Variants in PLCZ1 observed in about 807,000 individuals in gnomAD.
The protein encoded by PLCZ1 is 1-phosphatidylinositol 4,5-bisphosphate phosphodiesterase zeta-1.
In PLCZ1, 64 loss-of-function variants were observed where a neutral mutation model predicts 76.8. That is an observed-to-expected ratio of 0.83 (90% CI 0.68 to 1.03). The LOEUF is 1.03. Ranked by LOEUF, PLCZ1 falls within the 50% of genes least tolerant of loss-of-function variation. The pLI is 0.00. For missense variants in PLCZ1, 751 were observed against 713.7 expected, an observed-to-expected ratio of 1.05 and a Z score of -0.60; for synonymous variants, 248 against 230.8, an observed-to-expected ratio of 1.07 and a Z score of -0.68.
At chr12:18,655,808 C>T in the PLCZ1 span, among the ~76,000 whole-genome samples, 1,572 of 92,910 alleles carry the variant, frequency 0.017, 8 homozygotes, top group Non-Finnish European at 0.026. Context: ...CTACCAAATA[C>T]TTGACTAGTA....
At chr12:18,658,116 T>G in the PLCZ1 span, among the ~76,000 whole-genome samples, 553 of 152,116 alleles carry the variant, frequency 3.6e-3, 5 homozygotes, top group African/African-American at 0.013. Flanking sequence ...ATTAGCAAAC[T>G]TGAAAGTAAG....
intron 5 of PLCZ1, among the ~76,000 whole-genome samples, chr12:18,714,318 C>T (rs1957694795): frequency 6.6e-6 from 1 of 152,152 alleles, no homozygotes; most frequent in Non-Finnish European, 1.5e-5. Flanking sequence ...CAGACAGGGT[C>T]AGCAACACTA....
rs773369178 is a variant in PLCZ1, at chr12:18,719,463, T to C, written c.537A>G (p.Leu179=). ...ATCCCCAAAGGTCACTTGGTCCCAA[T>C]AATTGATCAGATACCAAATATGTGT... ...SHNTYLVSDQ[L]LGPSDLWGYV... is the part of the protein sequence containing the mutation. The change falls in exon 5 of 15, where the codon TTA becomes TTG. Residue 179 remains leucine, a synonymous_variant. Transcript: ENST00000266505. 3 of 1,558,100 alleles carry C rather than the reference T, an allele frequency of 1.9e-6. No individual in the cohort carries two copies.
At chr12:18,658,299 C>G in the PLCZ1 span, among the ~76,000 whole-genome samples, 1 of 151,970 alleles carries the variant, frequency 6.6e-6, no homozygotes, top group Admixed American at 6.6e-5. Flanking sequence ...AATAATGGTC[C>G]AAAACATCAA....
chr12:18,652,623 T>C, the PLCZ1 span, among the ~76,000 whole-genome samples: 1 of 152,118 alleles, frequency 6.6e-6, no homozygotes, highest in Non-Finnish European at 1.5e-5. Context: ...CTTGGCACAA[T>C]GTTTTTTAAA....
At chr12:18,719,070 C>A (rs1472241491) in intron 5 of PLCZ1, among the ~76,000 whole-genome samples, 2 of 152,132 alleles carry the variant, frequency 1.3e-5, no homozygotes, top group Non-Finnish European at 2.9e-5. Flanking sequence ...TTAATTTTAA[C>A]CATACTTATT....
intron 12 of PLCZ1, among the ~76,000 whole-genome samples, chr12:18,691,705 A>G (rs1480002434): frequency 6.6e-6 from 1 of 152,164 alleles, no homozygotes; most frequent in Admixed American, 6.6e-5. Context: ...TTATAATAGC[A>G]TTGTAAAGTG....
intron 12 of PLCZ1, chr12:18,693,618 T>A (rs1306483259): frequency 3.8e-6 from 6 of 1,565,178 alleles, no homozygotes; most frequent in Non-Finnish European, 5.3e-6. Context: ...GCACCGTCCA[T>A]TGTGTTTATT....
At chr12:18,674,046 A>G in the PLCZ1 span, among the ~76,000 whole-genome samples, 1 of 152,244 alleles carries the variant, frequency 6.6e-6, no homozygotes, top group Non-Finnish European at 1.5e-5. Flanking sequence ...TGTGAGTATC[A>G]GGAAGTGAAG....
chr12:18,689,146 G>A (rs1953665509), intron 12 of PLCZ1, among the ~76,000 whole-genome samples: 1 of 152,042 alleles, frequency 6.6e-6, no homozygotes, highest in Non-Finnish European at 1.5e-5. Context: ...AAAGTAACTA[G>A]AAAGAACAAT....
chr12:18,682,274 C>G (rs148123279), downstream of PLCZ1, among the ~76,000 whole-genome samples: 1 of 152,092 alleles, frequency 6.6e-6, no homozygotes, highest in African/African-American at 2.4e-5. Flanking sequence ...GTTATATTTT[C>G]TGGTCATAAA....
chr12:18,664,506 A>G, the PLCZ1 span, among the ~76,000 whole-genome samples: 1 of 152,196 alleles, frequency 6.6e-6, no homozygotes, highest in African/African-American at 2.4e-5. Flanking sequence ...GCTAAGTGAA[A>G]TAAGAAAAAT....
intron 12 of PLCZ1, chr12:18,693,258 G>A (rs1954410756): frequency 1.3e-6 from 2 of 1,539,980 alleles, no homozygotes; most frequent in East Asian, 4.5e-5. Flanking sequence ...TACCATGATA[G>A]GGGTGCTGAT....
the PLCZ1 span, among the ~76,000 whole-genome samples, chr12:18,646,950 G>T: frequency 6.6e-6 from 1 of 151,912 alleles, no homozygotes; most frequent in Admixed American, 6.6e-5. Context: ...ACGTGAAACT[G>T]TATATACAGC....
chr12:18,707,114 G>A (rs146135896), intron 6 of PLCZ1, among the ~76,000 whole-genome samples: 1 of 152,060 alleles, frequency 6.6e-6, no homozygotes, highest in Admixed American at 6.5e-5. Flanking sequence ...GGTGTTCAGC[G>A]CCTACTCAGA....
the PLCZ1 span, among the ~76,000 whole-genome samples, chr12:18,654,096 A>C: frequency 3.3e-5 from 5 of 152,096 alleles, no homozygotes; most frequent in Non-Finnish European, 7.4e-5. Context: ...AATGAGAAAG[A>C]TACTGCCTTA....
At position 18,710,506 on chromosome 12, in the gene PLCZ1, T is replaced by C. The variant is rs77229538; in HGVS notation, c.714+2336A>G. Among the ~76,000 whole-genome samples, 568 of 152,086 alleles carry C rather than the reference T, an allele frequency of 3.7e-3. 7 individuals carry two copies. The highest frequency in any genetic ancestry group is 3.0e-3 in the Admixed American group (46 of 15,242). Reference sequence around the variant, plus strand: ...CATTGTACAAATTTCAGCTTTTATTTTGAGTGAGGCCGAAGGCTTTGAGAA... The same window carrying C: ...CATTGTACAAATTTCAGCTTTTATTCTGAGTGAGGCCGAAGGCTTTGAGAA... On this transcript the variant is annotated intron_variant, in intron 6 of 14. Transcript: ENST00000266505.
intron 3 of PLCZ1, among the ~76,000 whole-genome samples, chr12:18,726,133 C>T (rs989563640): frequency 4.6e-5 from 7 of 151,948 alleles, no homozygotes; most frequent in African/African-American, 1.7e-4. Flanking sequence ...TGCATTTAGA[C>T]AATAATTACA....
chr12:18,653,613 G>C, the PLCZ1 span, among the ~76,000 whole-genome samples: 1 of 152,098 alleles, frequency 6.6e-6, no homozygotes, highest in Non-Finnish European at 1.5e-5. Flanking sequence ...AGTGGTTTTA[G>C]GGTGACAGAG....
Sources: gnomAD v4.1 joint callset for allele counts (sites outside exome capture counted in the v4.1 genomes callset) on GRCh38, gnomAD v4.1.1 for gene constraint, MANE v1.5 for transcripts, NCBI Gene and HGNC (gene_info 2026-07-23, HGNC 2026-07-21) for gene names.